SALL3: variants seen among roughly 807,000 people sequenced by gnomAD.
The protein encoded by SALL3 is sal-like protein 3.
Under a neutral mutation model 66.2 loss-of-function variants are expected in SALL3, and 25 were observed. The observed-to-expected ratio is 0.38, with a 90% CI of 0.28 to 0.53. SALL3 has a LOEUF of 0.53. SALL3 is among the 20% of genes least tolerant of loss of function. The pLI, the probability that SALL3 is intolerant of heterozygous loss-of-function variation, is 0.85. For synonymous variants in SALL3, 1,152 were observed against 899.1 expected, an observed-to-expected ratio of 1.28 and a Z score of -5.03; for missense variants, 2,194 against 1,916.5, an observed-to-expected ratio of 1.14 and a Z score of -2.70.
At position 78,992,178 on chromosome 18, in the gene SALL3, T is replaced by G; in HGVS notation, c.187T>G (p.Trp63Gly). 6.2e-7 allele frequency: 1 copy of G among 1,610,316 alleles called. No homozygotes were observed. ...GAAATGCTGCGCCGAGTTCTTCAAG[T>G]GGGCGGACTTCCTGGAGCACCAGCG... The part of the protein sequence containing the change: ...CEKCCAEFFK[W>G]ADFLEHQRSC... Residue 63 changes from tryptophan (W) to glycine (G), a missense_variant, in exon 2 of 3, where the codon TGG becomes GGG. Physicochemically the swap from Trp to Gly is radical, Grantham distance 184 (BLOSUM62 -2). Coordinates refer to ENST00000537592, the MANE Select transcript of SALL3 (RefSeq NM_171999.4).
Position 78,994,430 on chromosome 18 carries a change from C to T in SALL3, c.2439C>T (p.Asp813=), listed in dbSNP as rs1181074441. The T allele has an allele frequency of 3.1e-6, 5 of 1,612,232 alleles. No homozygotes were observed. The highest frequency in any genetic ancestry group is 1.6e-4 in the Middle Eastern group (1 of 6,084). Residue 813 remains aspartate, a synonymous_variant, in exon 2 of 3, where the codon GAC becomes GAT. Coordinates refer to ENST00000537592, the MANE Select transcript of SALL3 (RefSeq NM_171999.4). ...TGGAGGACGACGCTGAGCTGAAGGA[C>T]GCGGCCACCGACCCGGCCAAGCCAC... ...NSMEDDAELK[D]AATDPAKPLL... is the part of the protein sequence containing the mutation.
intron 1 of SALL3, 134 bp from the exon 2 acceptor site, chr18:78,991,940 C>T: frequency 1.6e-6 from 1 of 642,954 alleles, no homozygotes; most frequent in Non-Finnish European, 2.4e-6. Flanking sequence ...TCATAGAATA[C>T]GCACGCTGGG....
In SALL3 at chr18:78,993,324, G is replaced by A; in HGVS notation, c.1333G>A (p.Glu445Lys). ...GATCCACCTGCGCTCGCACACAGGC[G>A]AGCGGCCCTTCAAGTGCAACATCTG... ...LQIHLRSHTG[E>K]RPFKCNICGN... Residue 445 changes from glutamate (E) to lysine (K), a missense_variant, in exon 2 of 3, where the codon GAG becomes AAG. By Grantham distance (56) the Glu-to-Lys change is moderately conservative. Transcript: ENST00000537592. The A allele has an allele frequency of 6.2e-7, 1 of 1,612,268 alleles. No homozygotes were observed. The highest frequency in any genetic ancestry group is 8.5e-7 in the Non-Finnish European group (1 of 1,179,836).
rs1441460022 is a variant in SALL3, at chr18:78,979,989, T to C, written c.-286T>C. Among the ~76,000 whole-genome samples the C allele has an allele frequency of 1.4e-5, 2 of 143,622 alleles. No homozygotes were observed. The highest frequency in any genetic ancestry group is 2.5e-5 in the African/African-American group (1 of 39,826). 94.2% of individuals were successfully genotyped at this position (143,622 alleles called of 152,430 possible). ...CGGCGCCGGGCAGCGCGCGCCCCGGTCCCGAGGCGCCGCGGCCCCCTCCTC... is the reference window on the plus strand; with the variant it reads ...CGGCGCCGGGCAGCGCGCGCCCCGGCCCCGAGGCGCCGCGGCCCCCTCCTC... On this transcript the variant is annotated 5_prime_UTR_variant, in exon 1 of 3. Transcript: ENST00000537592.
intron 1 of SALL3, 78 bp from the exon 2 acceptor site, chr18:78,991,996 A>G: frequency 8.3e-7 from 1 of 1,198,794 alleles, no homozygotes; most frequent in Non-Finnish European, 1.1e-6. Flanking sequence ...AATAAAAAAT[A>G]TTGATTTTAC....
Position 78,994,438 on chromosome 18 carries a change from C to G in SALL3, c.2447C>G (p.Thr816Ser), listed in dbSNP as rs767166227. 1.2e-6 allele frequency: 2 copies of G among 1,612,110 alleles called. No homozygotes were observed. The highest frequency in any genetic ancestry group is 2.7e-5 in the African/African-American group (2 of 74,930). The change falls in exon 2 of 3, where the codon ACC becomes AGC. Residue 816 changes from threonine (T) to serine (S), a missense_variant. Transcript: ENST00000537592. ...GACGCTGAGCTGAAGGACGCGGCCA[C>G]CGACCCGGCCAAGCCACTCCTGTCC... Reference protein sequence around the residue: ...EDDAELKDAATDPAKPLLSYA... With the variant: ...EDDAELKDAASDPAKPLLSYA...
intron 1 of SALL3, among the ~76,000 whole-genome samples, chr18:78,990,655 G>A (rs1461379233): frequency 1.3e-5 from 2 of 152,058 alleles, no homozygotes; most frequent in East Asian, 1.9e-4. Context: ...AATTATTTCC[G>A]GGGACACAGA....
Position 78,993,990 on chromosome 18 carries a change from CTGG to C in SALL3, c.2003_2005del (p.Val668del), listed in dbSNP as rs781256906. ...GTCGGAAACCTCGAAGCTGCAGCAG[CTGG>C]TGGAGAACATCGACAAGAAGATGAC... On this transcript the variant is annotated inframe_deletion, in exon 2 of 3. Coordinates refer to ENST00000537592, the MANE Select transcript of SALL3 (RefSeq NM_171999.4). The C allele has an allele frequency of 6.2e-7, 1 of 1,612,260 alleles. No individual in the cohort carries two copies. The highest frequency in any genetic ancestry group is 8.5e-7 in the Non-Finnish European group (1 of 1,179,654).
intron 1 of SALL3, among the ~76,000 whole-genome samples, chr18:78,988,159 A>C (rs1340023397): frequency 6.6e-6 from 1 of 152,234 alleles, no homozygotes; most frequent in East Asian, 1.9e-4. Context: ...TTCAAAATAC[A>C]AGTTTAATTT....
chr18:78,986,782 A>C (rs1914260628), intron 1 of SALL3, among the ~76,000 whole-genome samples: 1 of 152,226 alleles, frequency 6.6e-6, no homozygotes. Context: ...GTAATGAGTA[A>C]AAAACATGCA....
At position 78,997,424 on chromosome 18, in the gene SALL3, A is replaced by G. The variant is rs77526824; in HGVS notation, c.*102A>G. The G allele has an allele frequency of 8.1e-4, 980 of 1,204,620 alleles. 8 individuals carry two copies. In the African/African-American group the frequency reaches 0.013, roughly 16 times the overall value. The allele number at this position is 1,204,620 out of a possible 1,614,324, so 74.6% of individuals were successfully genotyped here. A position where few individuals can be genotyped will look rare whatever the true frequency, so the allele number is the denominator to read the frequency against. On this transcript the variant is annotated 3_prime_UTR_variant, in exon 3 of 3. Coordinates refer to ENST00000537592, the MANE Select transcript of SALL3 (RefSeq NM_171999.4). Reference sequence around the variant, plus strand: ...CGGTTCTCATTACACTTTCACCCATAGCAGAAAACACTTTGTGCGGCTGCC... The same window carrying G: ...CGGTTCTCATTACACTTTCACCCATGGCAGAAAACACTTTGTGCGGCTGCC...
intron 1 of SALL3, among the ~76,000 whole-genome samples, chr18:78,981,437 C>T (rs1000894268): frequency 2.6e-5 from 4 of 152,204 alleles, no homozygotes; most frequent in African/African-American, 9.6e-5. Context: ...TTGTTGGAGG[C>T]AGATGGTGAT....
At position 78,992,385 on chromosome 18, in the gene SALL3, G is replaced by A. The variant is rs570117166; in HGVS notation, c.394G>A (p.Glu132Lys). Residue 132 changes from glutamate (E) to lysine (K), a missense_variant, in exon 2 of 3, where the codon GAG becomes AAG. Coordinates refer to ENST00000537592, the MANE Select transcript of SALL3 (RefSeq NM_171999.4). ...GGCCAGGCCGGTGGAGAAGGAGGCC[G>A]AGCCCATGGACGCGGAACCCGCGGG... ...GEARPVEKEA[E>K]PMDAEPAGDT... 7.5e-7 allele frequency: 1 copy of A among 1,327,526 alleles called. No homozygotes were observed. The highest frequency in any genetic ancestry group is 9.6e-7 in the Non-Finnish European group (1 of 1,045,032). 82.2% of individuals were successfully genotyped at this position (1,327,526 alleles called of 1,614,324 possible). A position where few individuals can be genotyped will look rare whatever the true frequency, so the allele number is the denominator to read the frequency against.
Position 78,998,276 on chromosome 18 carries a change from C to T in SALL3, c.*954C>T, listed in dbSNP as rs1461244359. The T allele has an allele frequency of 6.6e-6, 1 of 151,730 alleles. No homozygotes were observed. Among genetic ancestry groups the T allele is most frequent in the Non-Finnish European group, 1.5e-5 (1 of 67,988 alleles). 9.4% of individuals were successfully genotyped at this position (151,730 alleles called of 1,614,324 possible). A position where few individuals can be genotyped will look rare whatever the true frequency, so the allele number is the denominator to read the frequency against. ...AGTATTTTGTATTAGGGAGGTTTGT[C>T]TATAATTTGAAAATTTAAAAAAATG... On this transcript the variant is annotated 3_prime_UTR_variant, in exon 3 of 3. Transcript: ENST00000537592.
chr18:78,993,551 C>T lies in SALL3; in HGVS notation c.1560C>T (p.Pro520=). ...GGCTGGACAGCAAGCCCGTGCTGCC[C>T]ACCGTGCCCACGTCCGTGGGGCTGC... ...TTWLDSKPVL[P]TVPTSVGLQL... is the part of the protein sequence containing the mutation. Residue 520 remains proline, a synonymous_variant, in exon 2 of 3, where the codon CCC becomes CCT. Transcript: ENST00000537592. The T allele has an allele frequency of 6.3e-7, 1 of 1,591,800 alleles. No individual in the cohort carries two copies. The highest frequency in any genetic ancestry group is 8.5e-7 in the Non-Finnish European group (1 of 1,172,758).
At position 78,979,840 on chromosome 18, in the gene SALL3, C is replaced by T. The variant is rs1473465017; in HGVS notation, c.-435C>T. 4.1e-5 allele frequency among the ~76,000 whole-genome samples: 6 copies of T among 144,998 alleles called. No individual in the cohort carries two copies. The highest frequency in any genetic ancestry group is 3.4e-4 in the Admixed American group (5 of 14,680). ...GGCGGAGACGGCGCCGCGCGGACGC[C>T]GCCAAAGTTTGCTGCCTGCGCCCTG... On this transcript the variant is annotated 5_prime_UTR_variant, in exon 1 of 3. Coordinates refer to ENST00000537592, the MANE Select transcript of SALL3 (RefSeq NM_171999.4).
chr18:78,990,420 A>G (rs1002746144), intron 1 of SALL3, among the ~76,000 whole-genome samples: 6 of 152,372 alleles, frequency 3.9e-5, no homozygotes, highest in East Asian at 1.9e-4. Context: ...AAAGGCATGT[A>G]TAAATTACCT....
chr18:78,995,523 C>T, intron 2 of SALL3, 61 bp downstream of exon 2: 4 of 1,491,262 alleles, frequency 2.7e-6, no homozygotes, highest in Admixed American at 4.6e-5. Context: ...TGGCTTTCTC[C>T]ATCACCTGCC....
chr18:78,980,209 C>A lies in SALL3; in HGVS notation c.-66C>A, dbSNP rs1568285905. The A allele has an allele frequency of 6.2e-6, 5 of 809,054 alleles. No individual in the cohort carries two copies. Among genetic ancestry groups the A allele is most frequent in the Non-Finnish European group, 7.4e-6 (5 of 671,596 alleles). 50.1% of individuals were successfully genotyped at this position (809,054 alleles called of 1,614,324 possible). A position where few individuals can be genotyped will look rare whatever the true frequency, so the allele number is the denominator to read the frequency against. ...GCCGCGCGCCCGCCAGGCCGCCCCG[C>A]GCCGTCCCCGCCGGCCGCCCCGCTG... On this transcript the variant is annotated 5_prime_UTR_variant, in exon 1 of 3. Transcript: ENST00000537592.
Sources: gnomAD v4.1 joint callset for allele counts (sites outside exome capture counted in the v4.1 genomes callset) on GRCh38, gnomAD v4.1.1 for gene constraint, MANE v1.5 for transcripts, NCBI Gene and HGNC (gene_info 2026-07-23, HGNC 2026-07-21) for gene names.